TAF5: variants seen among roughly 807,000 people sequenced by gnomAD.
TAF5 encodes the protein transcription initiation factor TFIID subunit 5.
In TAF5, 20 loss-of-function variants were observed where a neutral mutation model predicts 80.9. The ratio of observed to expected loss-of-function variants is 0.25; its 90% CI spans 0.17 to 0.36. TAF5 has a LOEUF of 0.36. Ranked by LOEUF, TAF5 falls within the 10% of genes least tolerant of loss-of-function variation. The pLI is 1.00. For synonymous variants in TAF5, 388 were observed against 406.4 expected, an observed-to-expected ratio of 0.95 and a Z score of 0.55; for missense variants, 863 against 1,029.4, an observed-to-expected ratio of 0.84 and a Z score of 2.21.
In TAF5 at chr10:103,383,632, G is replaced by T. The variant is rs2093388349; in HGVS notation, c.1664+265G>T. Among the ~76,000 whole-genome samples the T allele has an allele frequency of 2.1e-5, 3 of 145,586 alleles. No homozygotes were observed. The South Asian group carries it at 6.4e-4, about 31-fold the overall frequency. The stretch of plus-strand genomic sequence containing the variant: ...TCGCTCTTGTTGCCCAGGTTGGAGT[G>T]CAATGGCGTGATCTTGGCTTACCGC... On this transcript the variant is annotated intron_variant, in intron 7 of 10. Coordinates refer to ENST00000369839, the MANE Select transcript of TAF5 (RefSeq NM_006951.5).
Position 103,368,511 on chromosome 10 carries a change from C to T in TAF5, c.522C>T (p.Val174=). 1 of 1,565,368 alleles carries T rather than the reference C, an allele frequency of 6.4e-7. No homozygotes were observed. Among genetic ancestry groups the T allele is most frequent in the Non-Finnish European group, 8.6e-7 (1 of 1,165,164 alleles). The change falls in exon 1 of 11, where the codon GTC becomes GTT. Residue 174 remains valine, a synonymous_variant. Transcript: ENST00000369839. ...PGTGASGATV[V]SGSASGPAAP... ...CTGGCGCTTCGGGGGCCACGGTCGT[C>T]TCAGGTTCAGCCTCAGGTCCTGCGG... is the stretch of plus-strand genomic sequence containing the variant.
At position 103,368,082 on chromosome 10, in the gene TAF5, C is replaced by T. The variant is rs2093349189; in HGVS notation, c.93C>T (p.Gly31=). The T allele has an allele frequency of 1.4e-6, 2 of 1,430,528 alleles. No homozygotes were observed. The highest frequency in any genetic ancestry group is 1.8e-6 in the Non-Finnish European group (2 of 1,093,906). 88.6% of individuals were successfully genotyped at this position (1,430,528 alleles called of 1,614,324 possible). ...PTLLPPQAGD[G]AGEGSGGTTN... is the part of the protein sequence containing the mutation. ...TGCTACCTCCGCAGGCGGGGGACGG[C>T]GCAGGCGAGGGTAGCGGCGGCACTA... The change falls in exon 1 of 11, where the codon GGC becomes GGT. Residue 31 remains glycine, a synonymous_variant. Coordinates refer to ENST00000369839, the MANE Select transcript of TAF5 (RefSeq NM_006951.5).
At chr10:103,369,136 G>A (rs2093353074) in intron 1 of TAF5, among the ~76,000 whole-genome samples, 1 of 151,220 alleles carries the variant, frequency 6.6e-6, no homozygotes, top group Non-Finnish European at 1.5e-5. Flanking sequence ...CTACTGCCAC[G>A]GCCGGCTAAT....
rs571770804 is a variant in TAF5, at chr10:103,383,120, G to A, written c.1535-118G>A. On this transcript the variant is annotated intron_variant, in intron 6 of 10. Coordinates refer to ENST00000369839, the MANE Select transcript of TAF5 (RefSeq NM_006951.5). The stretch of plus-strand genomic sequence containing the variant: ...TAATTTAGAGGGATTAGCAAAGTGC[G>A]GTTGGTATATAGGAGGAAATTTTCA... 15 of 811,474 alleles carry A rather than the reference G, an allele frequency of 1.8e-5. No individual in the cohort carries two copies. In the South Asian group the frequency reaches 2.0e-4, roughly 11 times the overall value. The allele number at this position is 811,474 out of a possible 1,614,324, so 50.3% of individuals were successfully genotyped here. A position where few individuals can be genotyped will look rare whatever the true frequency, so the allele number is the denominator to read the frequency against.
intron 5 of TAF5, among the ~76,000 whole-genome samples, chr10:103,381,219 G>A (rs2093382127): frequency 6.6e-6 from 1 of 151,872 alleles, no homozygotes; most frequent in Non-Finnish European, 1.5e-5. Flanking sequence ...AAAGTGCTGT[G>A]ATAACAGGCA....
chr10:103,370,173 A>G (rs1044543663), intron 1 of TAF5, among the ~76,000 whole-genome samples: 5 of 151,358 alleles, frequency 3.3e-5, no homozygotes, highest in Admixed American at 6.6e-5. Context: ...CTGAGGTTGC[A>G]GTGAGCCAAG....
In TAF5 at chr10:103,378,879, C is replaced by T. The variant is rs551273783; in HGVS notation, c.1113+329C>T. Among the ~76,000 whole-genome samples, 2 of 152,242 alleles carry T rather than the reference C, an allele frequency of 1.3e-5. No homozygotes were observed. Among genetic ancestry groups the T allele is most frequent in the East Asian group, 3.9e-4 (2 of 5,180 alleles). On this transcript the variant is annotated intron_variant, in intron 3 of 10. Coordinates refer to ENST00000369839, the MANE Select transcript of TAF5 (RefSeq NM_006951.5). The surrounding 1 kb of genome is among the most constrained non-coding windows in gnomAD (Gnocchi z 4.1). ...TTCACCATGTTGGCCAGGCTGGTCT[C>T]GAACTCCTGACCTCAGATGATCCAC... is the stretch of plus-strand genomic sequence containing the variant.
intron 6 of TAF5, 28 bp from the exon 7 acceptor site, chr10:103,383,208 TAA>T (rs1310305108): frequency 6.6e-7 from 1 of 1,525,798 alleles, no homozygotes; most frequent in African/African-American, 1.4e-5. Context: ...AATGTACTTA[TAA>T]AATATCAATA....
intron 1 of TAF5, 148 bp downstream of exon 1, chr10:103,368,696 C>A: frequency 8.9e-7 from 1 of 1,117,800 alleles, no homozygotes; most frequent in Non-Finnish European, 1.2e-6. Context: ...TTCTCTAGTG[C>A]GCGGGCTGCG....
Position 103,368,385 on chromosome 10 carries a change from C to A in TAF5, c.396C>A (p.Ala132=), listed in dbSNP as rs746038944. The A allele has an allele frequency of 2.3e-4, 358 of 1,560,722 alleles. 2 individuals are homozygous for A. Among genetic ancestry groups the A allele is most frequent in the Middle Eastern group, 9.9e-4 (5 of 5,038 alleles). Reference sequence around the variant, plus strand: ...AGGAGGCAGTGGCGGGCTCCGGAGCCCCGGGAGAGGTGGACAGCGCCGGCG... The same window carrying A: ...AGGAGGCAGTGGCGGGCTCCGGAGCACCGGGAGAGGTGGACAGCGCCGGCG... The part of the protein sequence containing the change: ...LLEEAVAGSG[A]PGEVDSAGAE... The change falls in exon 1 of 11, where the codon GCC becomes GCA. Residue 132 remains alanine (A), a synonymous_variant. Transcript: ENST00000369839.
chr10:103,379,687 G>A lies in TAF5; in HGVS notation c.1193G>A (p.Gly398Glu). ...DEDEEGENEE[G>E]KPKKKKPKKD... ...GATGAAGAGGGAGAAAATGAAGAAG[G>A]AAAACCTAAAAAGAAGAAGCCTAAA... The change falls in exon 4 of 11, where the codon GGA becomes GAA. Residue 398 changes from glycine (G) to glutamate (E), a missense_variant. Physicochemically the swap from Gly to Glu is moderately conservative, Grantham distance 98 (BLOSUM62 -2). This residue lies in a region of TAF5 where 128 missense variants were observed against 232.2 expected (regional missense o/e 0.55). Coordinates refer to ENST00000369839, the MANE Select transcript of TAF5 (RefSeq NM_006951.5). 6.2e-7 allele frequency: 1 copy of A among 1,609,448 alleles called. No homozygotes were observed. Among genetic ancestry groups the A allele is most frequent in the Non-Finnish European group, 8.5e-7 (1 of 1,178,896 alleles).
At chr10:103,387,981 A>G in intron 10 of TAF5, 25 bp from the exon 11 acceptor site, 5 of 1,591,116 alleles carry the variant, frequency 3.1e-6, no homozygotes, top group Non-Finnish European at 4.3e-6. Flanking sequence ...GATGCAACTA[A>G]TGGTTTCCTT....
At position 103,374,368 on chromosome 10, in the gene TAF5, C is replaced by T. The variant is rs1175077504; in HGVS notation, c.797+773C>T. 6.6e-6 allele frequency among the ~76,000 whole-genome samples: 1 copy of T among 152,126 alleles called. No individual in the cohort carries two copies. The highest frequency in any genetic ancestry group is 1.5e-5 in the Non-Finnish European group (1 of 68,028). On this transcript the variant is annotated intron_variant, in intron 2 of 10. Transcript: ENST00000369839. The surrounding 1 kb of genome is among the most constrained non-coding windows in gnomAD (Gnocchi z 4.3). ...GCCCCAAGCTCCCTCGGTCTTGTTGCTCTCTCATGCTTTTCATGCAATTTC... is the reference window on the plus strand; with the variant it reads ...GCCCCAAGCTCCCTCGGTCTTGTTGTTCTCTCATGCTTTTCATGCAATTTC...
intron 8 of TAF5, 42 bp downstream of exon 8, chr10:103,385,532 C>T (rs1372984143): frequency 6.3e-7 from 1 of 1,594,402 alleles, no homozygotes. Context: ...ATTCAATGAA[C>T]AGAATGGTTT....
In TAF5 at chr10:103,385,470, G is replaced by T. The variant is rs1039085002; in HGVS notation, c.1809G>T (p.Gly603=). ...FSPYGYYFVS[G]GHDRVARLWA... ...CATATGGATATTATTTTGTGTCAGG[G>T]GGCCATGACCGAGTAGCTCGGTAAG... Residue 603 remains glycine (G), a synonymous_variant, in exon 8 of 11, where the codon GGG becomes GGT. Transcript: ENST00000369839. The T allele has an allele frequency of 1.2e-6, 2 of 1,613,974 alleles. No individual in the cohort carries two copies. Among genetic ancestry groups the T allele is most frequent in the Non-Finnish European group, 8.5e-7 (1 of 1,179,980 alleles).
rs570245358 is a variant in TAF5 at position 103,388,412 on chromosome 10, C to A, written c.*189C>A. 3.7e-6 allele frequency: 2 copies of A among 540,522 alleles called. No homozygotes were observed. Among genetic ancestry groups the A allele is most frequent in the Non-Finnish European group, 6.5e-6 (2 of 306,186 alleles). 33.5% of individuals were successfully genotyped at this position (540,522 alleles called of 1,614,324 possible). ...ATAGCAACCACATTTGACTAATTTC[C>A]GTTAGTTGAATAAGAGGTATTATGA... On this transcript the variant is annotated 3_prime_UTR_variant, in exon 11 of 11. Transcript: ENST00000369839.
chr10:103,368,719 C>G (rs1271172970), intron 1 of TAF5, among the ~76,000 whole-genome samples, 171 bp downstream of exon 1: 2 of 152,334 alleles, frequency 1.3e-5, no homozygotes, highest in Non-Finnish European at 2.9e-5. Flanking sequence ...GTCAAACCCC[C>G]TTCCGAGCTG....
At chr10:103,370,911 A>G (rs1398745587) in intron 1 of TAF5, among the ~76,000 whole-genome samples, 5 of 152,140 alleles carry the variant, frequency 3.3e-5, no homozygotes, top group African/African-American at 1.2e-4. Context: ...CATTGTATTC[A>G]TACCTCATTG....
Position 103,387,348 on chromosome 10 carries a change from A to G in TAF5, c.2003A>G (p.His668Arg). 6.2e-7 allele frequency: 1 copy of G among 1,609,732 alleles called. No individual in the cohort carries two copies. The highest frequency in any genetic ancestry group is 8.5e-7 in the Non-Finnish European group (1 of 1,177,954). ...NGNCVRIFTGHKGPIHSLTFS... is the reference protein window; with the variant it reads ...NGNCVRIFTGRKGPIHSLTFS... ...AACTGTGTAAGGATCTTCACTGGAC[A>G]CAAGGTATTTTACACTCTTACTATT... is the stretch of plus-strand genomic sequence containing the variant. The change falls in exon 9 of 11, where the codon CAC becomes CGC. Residue 668 changes from histidine to arginine, a missense_variant. Around this residue, in one of 3 missense-constraint regions of TAF5, gnomAD observed 368 missense variants for 461.7 expected, o/e 0.80. Transcript: ENST00000369839.
Sources: allele counts gnomAD v4.1 joint callset (sites outside exome capture counted in the v4.1 genomes callset), GRCh38; gene constraint gnomAD v4.1.1; regional missense constraint gnomAD v4.1.1; non-coding constraint Gnocchi (gnomAD v3.1); transcripts MANE v1.5; gene names NCBI Gene and HGNC (gene_info 2026-07-23, HGNC 2026-07-21).